ETV1: variants seen among roughly 807,000 people sequenced by gnomAD.
The protein encoded by ETV1 is ETS translocation variant 1.
In ETV1, 27 loss-of-function variants were observed where a neutral mutation model predicts 62.3. The ratio of observed to expected loss-of-function variants is 0.43; its 90% CI spans 0.32 to 0.60. The LOEUF is 0.60. Among genes scored for constraint, ETV1 ranks in the 20% least tolerant of loss-of-function variants. ETV1 has a pLI of 0.06. For missense variants in ETV1, 605 were observed against 605.8 expected (o/e 1.00, Z 0.01); for synonymous variants, 222 against 199.6 (o/e 1.11, Z -0.94).
At chr7:13,989,201 T>A in intron 2 of ETV1, 62 bp from the exon 3 acceptor site, 4 of 657,244 alleles carry the variant, frequency 6.1e-6, no homozygotes, top group South Asian at 1.9e-5. Context: ...CTCTTGAATT[T>A]GCATAGCTAA....
intron 7 of ETV1, among the ~76,000 whole-genome samples, chr7:13,938,856 C>A (rs1787121888): frequency 6.6e-6 from 1 of 152,148 alleles, no homozygotes; most frequent in East Asian, 1.9e-4. Flanking sequence ...CCAAGTAAAA[C>A]CCCTTTTTCA....
intron 3 of ETV1, chr7:13,988,469 T>C (rs978706573): frequency 8.2e-6 from 5 of 606,202 alleles, no homozygotes; most frequent in African/African-American, 1.9e-5. Flanking sequence ...CTGAAGCATT[T>C]ACACTTAAAG....
At chr7:13,972,553 G>A (rs1781014801) in intron 6 of ETV1, among the ~76,000 whole-genome samples, 1 of 152,160 alleles carries the variant, frequency 6.6e-6, no homozygotes, top group Admixed American at 6.5e-5. Context: ...GTTCACCTCT[G>A]TTTGAAATAC....
chr7:13,934,344 G>A (rs1274533621), intron 8 of ETV1, among the ~76,000 whole-genome samples: 15 of 152,166 alleles, frequency 9.9e-5, no homozygotes, highest in Non-Finnish European at 1.0e-4. Context: ...TTCATCTTAC[G>A]CCCTTTATAG....
intron 12 of ETV1, among the ~76,000 whole-genome samples, chr7:13,904,307 A>T (rs1343754735): frequency 5.9e-5 from 9 of 152,212 alleles, no homozygotes; most frequent in Non-Finnish European, 1.3e-4. Flanking sequence ...ACTGACTCTG[A>T]ATTATCCAGC....
At chr7:13,896,684 A>ACAG (rs3063586) in intron 13 of ETV1, among the ~76,000 whole-genome samples, 1 of 149,944 alleles carries the variant, frequency 6.7e-6, no homozygotes, top group African/African-American at 2.5e-5. Flanking sequence ...ATAAAGAAAG[A>ACAG]AAGAAAAGAG....
In ETV1 at chr7:13,989,437, A is replaced by T. The variant is rs2128518293; in HGVS notation, c.-257T>A. On this transcript the variant is annotated 5_prime_UTR_variant, in exon 2 of 14. Coordinates refer to ENST00000430479, the MANE Select transcript of ETV1 (RefSeq NM_004956.5). ...GTGTGCAAAACTAGCAATGGCGATC[A>T]ACGAGACTTGCTTTGCACCTAACGG... is the stretch of plus-strand genomic sequence containing the variant. The T allele has an allele frequency of 2.3e-6, 1 of 429,918 alleles. No individual in the cohort carries two copies. The highest frequency in any genetic ancestry group is 7.9e-5 in the South Asian group (1 of 12,710). The allele number at this position is 429,918 out of a possible 1,614,324, so 26.6% of individuals were successfully genotyped here. A position where few individuals can be genotyped will look rare whatever the true frequency, so the allele number is the denominator to read the frequency against.
At chr7:13,965,840 T>C (rs1388952037) in intron 6 of ETV1, among the ~76,000 whole-genome samples, 1 of 152,142 alleles carries the variant, frequency 6.6e-6, no homozygotes, top group Non-Finnish European at 1.5e-5. Context: ...AAAGCAGATA[T>C]TGGCACTCGT....
At chr7:13,987,040 C>T (rs1019569072) in intron 4 of ETV1, 2 of 204,514 alleles carry the variant, frequency 9.8e-6, no homozygotes, top group Non-Finnish European at 9.6e-6. Context: ...ATATTTAACT[C>T]TTGCTAAAAT....
At chr7:13,916,938 A>G (rs1281112557) in intron 9 of ETV1, among the ~76,000 whole-genome samples, 2 of 152,114 alleles carry the variant, frequency 1.3e-5, no homozygotes, top group African/African-American at 4.8e-5. Context: ...TCCAAAAAAA[A>G]AAAAAAGTAA....
chr7:13,939,670 C>A (rs983638244), intron 6 of ETV1, among the ~76,000 whole-genome samples: 1 of 152,132 alleles, frequency 6.6e-6, no homozygotes, highest in Non-Finnish European at 1.5e-5. Context: ...AATATATCAA[C>A]TGCATCAATA....
intron 6 of ETV1, among the ~76,000 whole-genome samples, chr7:13,952,046 AAAAT>A (rs79453893): frequency 0.12 from 18,671 of 151,982 alleles, 2,090 homozygotes; most frequent in African/African-American, 0.3. Flanking sequence ...CACTAAGAGC[AAAAT>A]AAATAAATAA....
At chr7:13,966,716 A>G (rs1167776869) in intron 6 of ETV1, among the ~76,000 whole-genome samples, 1 of 152,186 alleles carries the variant, frequency 6.6e-6, no homozygotes, top group Non-Finnish European at 1.5e-5. Flanking sequence ...TTTCTTCAAT[A>G]TGTAATAGAT....
At chr7:13,976,261 A>G (rs930390784) in intron 6 of ETV1, among the ~76,000 whole-genome samples, 3 of 152,212 alleles carry the variant, frequency 2.0e-5, no homozygotes, top group African/African-American at 7.2e-5. Flanking sequence ...TCAGCTTGGG[A>G]TACAAAAAAG....
intron 6 of ETV1, among the ~76,000 whole-genome samples, chr7:13,966,563 C>A (rs1014960396): frequency 1.3e-5 from 2 of 152,110 alleles, no homozygotes; most frequent in African/African-American, 2.4e-5. Flanking sequence ...ATTGAGGTCA[C>A]TTGAGCCCAG....
chr7:13,925,859 C>T (rs11979032), intron 9 of ETV1, among the ~76,000 whole-genome samples: 4,366 of 151,838 alleles, frequency 0.029, 225 homozygotes, highest in African/African-American at 0.1. Context: ...CCTGGCCCGA[C>T]TGATTTTTTT....
intron 5 of ETV1, among the ~76,000 whole-genome samples, chr7:13,981,881 T>C (rs1782027003): frequency 6.6e-6 from 1 of 152,050 alleles, no homozygotes; most frequent in African/African-American, 2.4e-5. Context: ...GTATGCTGTT[T>C]AATCCTAAAT....
rs1478641895 is a variant in ETV1, at chr7:13,931,769, G to A, written c.555-20C>T. 1 of 1,609,712 alleles carries A rather than the reference G, an allele frequency of 6.2e-7. No homozygotes were observed. The highest frequency in any genetic ancestry group is 2.2e-5 in the East Asian group (1 of 44,802). The stretch of plus-strand genomic sequence containing the variant: ...CGAAATCTAGGGAATAAGAGAGTGT[G>A]TTTCAGATGAAACGGTAACATGGAA... On this transcript the variant is annotated intron_variant, in intron 8 of 13. Transcript: ENST00000430479.
At chr7:13,960,062 G>A (rs1310248770) in intron 6 of ETV1, among the ~76,000 whole-genome samples, 1 of 151,254 alleles carries the variant, frequency 6.6e-6, no homozygotes, top group African/African-American at 2.4e-5. Flanking sequence ...TGTATTTGCT[G>A]CTACATCTAA....
Sources: gnomAD v4.1 joint callset for allele counts (sites outside exome capture counted in the v4.1 genomes callset) on GRCh38, gnomAD v4.1.1 for gene constraint, MANE v1.5 for transcripts, NCBI Gene and HGNC (gene_info 2026-07-23, HGNC 2026-07-21) for gene names.